Variants in TMEM168 observed in about 807,000 individuals in gnomAD.
TMEM168 encodes transmembrane protein 168.
TMEM168 carries 40 observed loss-of-function variants against 53.2 expected under a neutral mutation model. The ratio of observed to expected loss-of-function variants is 0.75; its 90% CI spans 0.58 to 0.98. TMEM168 has a LOEUF of 0.98. Among genes scored for constraint, TMEM168 ranks in the 50% least tolerant of loss-of-function variants. The pLI, the probability that TMEM168 is intolerant of heterozygous loss-of-function variation, is 0.00. For synonymous variants in TMEM168, 282 were observed against 293.0 expected (o/e 0.96, Z 0.38); for missense variants, 771 against 828.8 (o/e 0.93, Z 0.86).
In TMEM168 at chr7:112,783,867, TG is replaced by T. The variant is rs766914985; in HGVS notation, c.958del (p.His320IlefsTer4). 1.2e-5 allele frequency: 19 copies of T among 1,603,778 alleles called. No individual in the cohort carries two copies. The highest frequency in any genetic ancestry group is 1.4e-5 in the Non-Finnish European group (17 of 1,177,050). ...TTTATGGCAGTCATTTAATTTGGTA[TG>T]GAATCCCCAAAGAGTTAAAAGAAAA... Reference protein sequence around the residue: ...IIFLLTLWGFHTKLNDCHKVY... With the variant: ...IIFLLTLWGFXTKLNDCHKVY... On this transcript the variant is annotated frameshift_variant, in exon 2 of 5. Coordinates refer to ENST00000312814, the MANE Select transcript of TMEM168 (RefSeq NM_022484.6). LOFTEE classifies it high-confidence loss of function.
chr7:112,773,287 G>C (rs1156379997), intron 3 of TMEM168, among the ~76,000 whole-genome samples: 1 of 151,950 alleles, frequency 6.6e-6, no homozygotes, highest in East Asian at 1.9e-4. Flanking sequence ...CAAATTAAAA[G>C]CTGGGATAAT....
rs182617032 is a variant in TMEM168, at chr7:112,782,899, A to G, written c.1128+799T>C. Among the ~76,000 whole-genome samples, 81 of 152,114 alleles carry G rather than the reference A, an allele frequency of 5.3e-4. 3 individuals carry two copies. In the East Asian group the frequency reaches 0.01, roughly 20 times the overall value. On this transcript the variant is annotated intron_variant, in intron 2 of 4. Coordinates refer to ENST00000312814, the MANE Select transcript of TMEM168 (RefSeq NM_022484.6). ...TTATAGTATTTATCACACTGTAATC[A>G]TAATTGTTTGTTTACATGCCAGCCT...
chr7:112,787,835 C>T (rs1197400396), intron 1 of TMEM168, among the ~76,000 whole-genome samples: 1 of 141,942 alleles, frequency 7.0e-6, no homozygotes, highest in Admixed American at 7.5e-5. Flanking sequence ...CGGATTCAAG[C>T]GATTCTCCTG....
chr7:112,784,344 T>A lies in TMEM168; in HGVS notation c.482A>T (p.Glu161Val), dbSNP rs1174367352. Residue 161 changes from glutamate to valine, a missense_variant, in exon 2 of 5, where the codon GAG becomes GTG. Glu to Val is a moderately radical substitution (Grantham distance 121). Coordinates refer to ENST00000312814, the MANE Select transcript of TMEM168 (RefSeq NM_022484.6). ...GCTGGCAATGGCAAATCCAACAAGC[T>A]CCAGAAATTCAACTGTGGTTAGTAA... ...PTLLTTVEFL[E>V]LVGFAIASTT... 6.2e-7 allele frequency: 1 copy of A among 1,614,010 alleles called. No homozygotes were observed. The highest frequency in any genetic ancestry group is 8.5e-7 in the Non-Finnish European group (1 of 1,180,016).
intron 4 of TMEM168, among the ~76,000 whole-genome samples, chr7:112,770,885 CCT>C (rs1194419882): frequency 2.6e-5 from 4 of 151,958 alleles, no homozygotes; most frequent in South Asian, 2.1e-4. Context: ...AAAAATTAGC[CCT>C]GTTTTTTCCA....
chr7:112,767,629 T>G lies in TMEM168; in HGVS notation c.1662A>C (p.Lys554Asn), dbSNP rs1360395666. 6.2e-7 allele frequency: 1 copy of G among 1,613,990 alleles called. No homozygotes were observed. The highest frequency in any genetic ancestry group is 8.5e-7 in the Non-Finnish European group (1 of 1,180,026). Residue 554 changes from lysine (K) to asparagine (N), a missense_variant, in exon 5 of 5, where the codon AAA becomes AAC. Physicochemically the swap from Lys to Asn is moderately conservative, Grantham distance 94. Transcript: ENST00000312814. ...ACTGGTCATTAATTTTCCTCACTTC[T>G]TTCACCCAAGGGGTTGAATTTTCGC... Reference protein sequence around the residue: ...LDSENSTPWVKEVRKINDQYI... With the variant: ...LDSENSTPWVNEVRKINDQYI...
chr7:112,784,394 A>T lies in TMEM168; in HGVS notation c.432T>A (p.Ser144=), dbSNP rs761248799. The T allele has an allele frequency of 6.2e-7, 1 of 1,614,202 alleles. No homozygotes were observed. The highest frequency in any genetic ancestry group is 1.1e-5 in the South Asian group (1 of 91,086). ...AAGTGGGCCGATGACGGACATAACC[A>T]GAAATTCTCTCCACCAGAGAGCACA... ...RILCSLVERI[S]GYVRHRPTLL... Residue 144 remains serine (S), a synonymous_variant, in exon 2 of 5, where the codon TCT becomes TCA. Transcript: ENST00000312814.
intron 3 of TMEM168, among the ~76,000 whole-genome samples, chr7:112,774,675 G>C (rs1227167): frequency 0.032 from 4,815 of 151,706 alleles, 246 homozygotes; most frequent in African/African-American, 0.11. Flanking sequence ...CCGCCTCCCA[G>C]GTTCAAGTGA....
chr7:112,773,015 G>A lies in TMEM168; in HGVS notation c.1312C>T (p.Gln438Ter), dbSNP rs767242929. The A allele has an allele frequency of 1.9e-6, 3 of 1,612,038 alleles. No individual in the cohort carries two copies. The Admixed American group carries it at 5.0e-5, about 27-fold the overall frequency. ...CCAGTAGACCTCAAATTTAACTCCT[G>A]TACATGTTCTGGGGGAAGCAGTGTT... ...QPTLLPPEHVQELNLRSTGML... is the reference protein window; with the variant it reads ...QPTLLPPEHV The change falls in exon 4 of 5, where the codon CAG (glutamine) becomes TAG (stop). Residue 438 changes from glutamine (Q) to a stop codon, truncating the protein, a stop_gained. Transcript: ENST00000312814. LOFTEE classifies it high-confidence loss of function.
chr7:112,767,514 C>T lies in TMEM168; in HGVS notation c.1777G>A (p.Val593Ile). Residue 593 changes from valine to isoleucine, a missense_variant, in exon 5 of 5, where the codon GTA becomes ATA. By Grantham distance (29) the Val-to-Ile change is conservative. Coordinates refer to ENST00000312814, the MANE Select transcript of TMEM168 (RefSeq NM_022484.6). ...TTACTGGAGTTGCAGTTATATTCTACCCAGTCTTTTGTAAAGTCACCTAGC... is the reference window on the plus strand; with the variant it reads ...TTACTGGAGTTGCAGTTATATTCTATCCAGTCTTTTGTAAAGTCACCTAGC... ...PQLGDFTKDW[V>I]EYNCNSSNNI... 3.7e-6 allele frequency: 6 copies of T among 1,614,164 alleles called. No individual in the cohort carries two copies. Among genetic ancestry groups the T allele is most frequent in the Non-Finnish European group, 5.1e-6 (6 of 1,180,022 alleles).
chr7:112,773,273 T>C (rs1792979619), intron 3 of TMEM168, among the ~76,000 whole-genome samples: 1 of 152,128 alleles, frequency 6.6e-6, no homozygotes, highest in Non-Finnish European at 1.5e-5. Flanking sequence ...ATTAAAACAA[T>C]AATCAAATTA....
rs919793470 is a variant in TMEM168, at chr7:112,784,089, A to G, written c.737T>C (p.Leu246Pro). 3.7e-6 allele frequency: 6 copies of G among 1,613,098 alleles called. No homozygotes were observed. Among genetic ancestry groups the G allele is most frequent in the Non-Finnish European group, 5.1e-6 (6 of 1,179,818 alleles). ...DPFLDIYFSGLSVTERWKPFL... is the reference protein window; with the variant it reads ...DPFLDIYFSGPSVTERWKPFL... ...GGGTTTCCATCTTTCAGTTACTGAA[A>G]GTCCACTAAAATAAATGTCAAGGAA... Residue 246 changes from leucine to proline, a missense_variant, in exon 2 of 5, where the codon CTT becomes CCT. By Grantham distance (98) the Leu-to-Pro change is moderately conservative. Transcript: ENST00000312814.
At position 112,775,233 on chromosome 7, in the gene TMEM168, T is replaced by C; in HGVS notation, c.1214A>G (p.Asn405Ser). The C allele has an allele frequency of 6.2e-7, 1 of 1,613,676 alleles. No individual in the cohort carries two copies. Among genetic ancestry groups the C allele is most frequent in the Non-Finnish European group, 8.5e-7 (1 of 1,179,876 alleles). ...MAHGLFHELG[N>S]CLGGTSVGYA... ...TCCAACAGATGTTCCTCCTAAACAGTTACCCAATTCATGGAAGAGCCCATG... is the reference window on the plus strand; with the variant it reads ...TCCAACAGATGTTCCTCCTAAACAGCTACCCAATTCATGGAAGAGCCCATG... The change falls in exon 3 of 5, where the codon AAC becomes AGC. Residue 405 changes from asparagine (N) to serine (S), a missense_variant. Transcript: ENST00000312814.
At position 112,766,267 on chromosome 7, in the gene TMEM168, T is replaced by A. The variant is rs1180811561; in HGVS notation, c.*930A>T. ...CCTCTGACCTTCAGTAGAAAAAAAA[T>A]GTTATCACTAACAAGGATCAGAAAA... On this transcript the variant is annotated 3_prime_UTR_variant, in exon 5 of 5. Coordinates refer to ENST00000312814, the MANE Select transcript of TMEM168 (RefSeq NM_022484.6). 6.6e-6 allele frequency: 1 copy of A among 152,368 alleles called. No homozygotes were observed. Among genetic ancestry groups the A allele is most frequent in the African/African-American group, 2.4e-5 (1 of 41,434 alleles). The allele number at this position is 152,368 out of a possible 1,614,324, so 9.4% of individuals were successfully genotyped here. A position where few individuals can be genotyped will look rare whatever the true frequency, so the allele number is the denominator to read the frequency against.
intron 3 of TMEM168, among the ~76,000 whole-genome samples, chr7:112,773,300 C>A (rs1273724535): frequency 6.6e-6 from 1 of 152,014 alleles, no homozygotes; most frequent in African/African-American, 2.4e-5. Flanking sequence ...GGGATAATGT[C>A]TCCAAATGTA....
Position 112,772,878 on chromosome 7 carries a change from A to C in TMEM168, c.1449T>G (p.Ala483=). 1.9e-6 allele frequency: 3 copies of C among 1,614,128 alleles called. No individual in the cohort carries two copies. Among genetic ancestry groups the C allele is most frequent in the Non-Finnish European group, 2.5e-6 (3 of 1,179,986 alleles). Residue 483 remains alanine, a synonymous_variant, in exon 4 of 5, where the codon GCT becomes GCG. Transcript: ENST00000312814. The stretch of plus-strand genomic sequence containing the variant: ...CATCCACTGTCCGAAGTTCGAGGAA[A>C]GCTTTTAGTTTGGAATGCAGAGTAT... The part of the protein sequence containing the change: ...SFDTLHSKLK[A]FLELRTVDGP...
Position 112,767,148 on chromosome 7 carries a change from G to C in TMEM168, c.*49C>G, listed in dbSNP as rs373351399. 1.3e-6 allele frequency: 2 copies of C among 1,521,704 alleles called. No homozygotes were observed. Among genetic ancestry groups the C allele is most frequent in the Non-Finnish European group, 1.8e-6 (2 of 1,132,396 alleles). The allele number at this position is 1,521,704 out of a possible 1,614,324, so 94.3% of individuals were successfully genotyped here. A position where few individuals can be genotyped will look rare whatever the true frequency, so the allele number is the denominator to read the frequency against. Reference sequence around the variant, plus strand: ...AGCATACAAAAAATGGCAAGTTAGTGATAATTGGTAGTATGAGTGCTTATT... The same window carrying C: ...AGCATACAAAAAATGGCAAGTTAGTCATAATTGGTAGTATGAGTGCTTATT... On this transcript the variant is annotated 3_prime_UTR_variant, in exon 5 of 5. Transcript: ENST00000312814.
At chr7:112,785,970 G>C (rs567250178) in intron 1 of TMEM168, among the ~76,000 whole-genome samples, 3 of 152,304 alleles carry the variant, frequency 2.0e-5, no homozygotes, top group East Asian at 3.9e-4. Context: ...AACTTTGGGA[G>C]GGTGAGGAAG....
intron 2 of TMEM168, among the ~76,000 whole-genome samples, chr7:112,777,231 C>T (rs1793108887): frequency 6.6e-6 from 1 of 152,088 alleles, no homozygotes; most frequent in Admixed American, 6.6e-5. Context: ...TTAACATTAT[C>T]CTCTAAAGGC....
Sources: gnomAD v4.1 joint callset for allele counts (sites outside exome capture counted in the v4.1 genomes callset) on GRCh38, gnomAD v4.1.1 for gene constraint, MANE v1.5 for transcripts, NCBI Gene and HGNC (gene_info 2026-07-23, HGNC 2026-07-21) for gene names.